EDARADD: variants seen among roughly 807,000 people sequenced by gnomAD.
The protein encoded by EDARADD is EDAR associated via death domain.
EDARADD carries 20 observed loss-of-function variants against 25.6 expected under a neutral mutation model. The observed-to-expected ratio is 0.78, with a 90% confidence interval of 0.55 to 1.14. The LOEUF is 1.14. EDARADD is among the 50% of genes most tolerant of loss of function. The probability of loss-of-function intolerance (pLI) is 0.00; values close to 1 mark genes in which losing one functional copy is unlikely to be tolerated. For synonymous variants in EDARADD, 86 were observed against 94.4 expected (o/e 0.91, Z 0.52); for missense variants, 225 against 270.1 (o/e 0.83, Z 1.17).
intron 5 of EDARADD, among the ~76,000 whole-genome samples, chr1:236,479,797 G>A (rs897470506): frequency 1.9e-4 from 28 of 151,324 alleles, no homozygotes; most frequent in Non-Finnish European, 3.5e-4. Flanking sequence ...CACAATCTCG[G>A]TGCTTTGGGA....
chr1:236,478,245 G>GATT (rs1659562920), intron 5 of EDARADD, among the ~76,000 whole-genome samples: 1 of 152,034 alleles, frequency 6.6e-6, no homozygotes, highest in Non-Finnish European at 1.5e-5. Flanking sequence ...GTGGTGAGAT[G>GATT]ATTAAAGATG....
chr1:236,388,698 G>A (rs1667385829), intron 3 of EDARADD, among the ~76,000 whole-genome samples: 1 of 152,138 alleles, frequency 6.6e-6, no homozygotes, highest in Non-Finnish European at 1.5e-5. Flanking sequence ...ATATAAGAAA[G>A]CTCTTGGTGT....
intron 3 of EDARADD, among the ~76,000 whole-genome samples, chr1:236,421,165 A>G (rs995628071): frequency 6.8e-6 from 1 of 147,412 alleles, no homozygotes; most frequent in African/African-American, 2.5e-5. Flanking sequence ...TTTATGAGTC[A>G]TGTATACTCA....
intron 1 of EDARADD, among the ~76,000 whole-genome samples, chr1:236,406,740 G>A (rs375829670): frequency 1.3e-5 from 2 of 151,982 alleles, no homozygotes; most frequent in African/African-American, 2.4e-5. Context: ...CTTTTCCCTC[G>A]CTACCATGTC....
chr1:236,412,664 T>C (rs1043170141), intron 2 of EDARADD, among the ~76,000 whole-genome samples: 1 of 152,168 alleles, frequency 6.6e-6, no homozygotes, highest in African/African-American at 2.4e-5. Context: ...TCTGAGTTCA[T>C]CCAATTCTCA....
intron 3 of EDARADD, among the ~76,000 whole-genome samples, chr1:236,379,239 G>A (rs187392162): frequency 3.3e-5 from 5 of 151,916 alleles, no homozygotes; most frequent in East Asian, 3.9e-4. Context: ...GTGTGCTGGC[G>A]CATGTCTGTA....
intron 3 of EDARADD, among the ~76,000 whole-genome samples, chr1:236,385,724 CAA>C (rs78521779): frequency 1.0e-4 from 13 of 130,224 alleles, no homozygotes; most frequent in Admixed American, 1.7e-4. Context: ...AACTCCATCT[CAA>C]AAAAAAAAAG....
chr1:236,371,907 T>C (rs1304682016), intron 3 of EDARADD, among the ~76,000 whole-genome samples: 3 of 151,868 alleles, frequency 2.0e-5, no homozygotes, highest in Non-Finnish European at 4.4e-5. Flanking sequence ...AAAGTTTTGC[T>C]CTATTCCTAC....
intron 4 of EDARADD, among the ~76,000 whole-genome samples, chr1:236,460,538 T>C (rs537144041): frequency 2.0e-5 from 3 of 152,280 alleles, no homozygotes; most frequent in Admixed American, 2.0e-4. Context: ...ATAATAGATA[T>C]ATGTCCACAT....
intron 4 of EDARADD, among the ~76,000 whole-genome samples, chr1:236,464,426 T>C (rs12748071): frequency 0.011 from 806 of 76,418 alleles, 37 homozygotes; most frequent in African/African-American, 0.043. Context: ...GCTGCAACTT[T>C]TTTTTTTTTT....
At chr1:236,434,139 A>G (rs1019754535) in intron 4 of EDARADD, among the ~76,000 whole-genome samples, 1 of 152,220 alleles carries the variant, frequency 6.6e-6, no homozygotes, top group Non-Finnish European at 1.5e-5. Flanking sequence ...ATATAGCCCA[A>G]GCTTGTCCAA....
chr1:236,447,166 CTCCCTCTT>C (rs200082985), intron 4 of EDARADD, among the ~76,000 whole-genome samples: 98 of 115,102 alleles, frequency 8.5e-4, no homozygotes, highest in East Asian at 2.2e-3. Flanking sequence ...CCCTCCCTCC[CTCCCTCTT>C]TCTTTCTTTC....
At chr1:236,457,775 C>T (rs1017235114) in intron 4 of EDARADD, among the ~76,000 whole-genome samples, 7 of 149,140 alleles carry the variant, frequency 4.7e-5, no homozygotes, top group African/African-American at 1.7e-4. Context: ...GCCAAGATCG[C>T]ACCACTGCAC....
intron 4 of EDARADD, among the ~76,000 whole-genome samples, chr1:236,445,493 G>T (rs189038377): frequency 5.3e-5 from 8 of 152,192 alleles, no homozygotes; most frequent in Non-Finnish European, 7.4e-5. Context: ...CTCCCAAAGT[G>T]CTGGGATTAC....
intron 3 of EDARADD, among the ~76,000 whole-genome samples, chr1:236,363,420 G>A (rs560175170): frequency 6.6e-5 from 10 of 151,062 alleles, no homozygotes; most frequent in East Asian, 6.1e-4. Context: ...AGTGTGTCAC[G>A]TCCCCCACAT....
At chr1:236,387,433 G>T (rs1457501086) in intron 3 of EDARADD, among the ~76,000 whole-genome samples, 5 of 43,538 alleles carry the variant, frequency 1.1e-4, no homozygotes, top group African/African-American at 3.5e-4. Flanking sequence ...GGGCGCCTCT[G>T]CCCGGCCGCC....
At chr1:236,448,104 G>A (rs559079816) in intron 4 of EDARADD, among the ~76,000 whole-genome samples, 6 of 152,288 alleles carry the variant, frequency 3.9e-5, no homozygotes, top group East Asian at 3.9e-4. Context: ...CAAAGTGCTG[G>A]GATTACAGGC....
At chr1:236,455,866 T>C (rs1658846201) in intron 4 of EDARADD, among the ~76,000 whole-genome samples, 1 of 152,226 alleles carries the variant, frequency 6.6e-6, no homozygotes, top group African/African-American at 2.4e-5. Context: ...CTTTGCTCAC[T>C]GCAACCTCTG....
chr1:236,349,758 C>T (rs187778963), intron 2 of EDARADD, among the ~76,000 whole-genome samples: 39 of 151,492 alleles, frequency 2.6e-4, no homozygotes, highest in Admixed American at 2.2e-3. Context: ...GGGTGTCTGG[C>T]TCTTAGTTGA....
Sources: allele counts gnomAD v4.1 joint callset (sites outside exome capture counted in the v4.1 genomes callset), GRCh38; gene constraint gnomAD v4.1.1; transcripts MANE v1.5; gene names NCBI Gene and HGNC (gene_info 2026-07-23, HGNC 2026-07-21).